Variants in KLF12 observed in about 807,000 individuals in gnomAD.
KLF12 encodes Krueppel-like factor 12.
In KLF12, 9 loss-of-function variants were observed where a neutral mutation model predicts 37.8. The ratio of observed to expected loss-of-function variants is 0.24; its 90% confidence interval spans 0.14 to 0.42. KLF12 has a LOEUF of 0.42. Ranked by LOEUF, KLF12 falls within the 10% of genes least tolerant of loss-of-function variation. The pLI is 1.00. For missense variants in KLF12, 411 were observed against 516.0 expected, an observed-to-expected ratio of 0.80 and a Z score of 1.97; for synonymous variants, 208 against 202.1, an observed-to-expected ratio of 1.03 and a Z score of -0.25.
At position 73,746,810 on chromosome 13, in the gene KLF12, CT is replaced by C. The variant is rs776746904; in HGVS notation, c.869+18127del. 2.5e-3 allele frequency among the ~76,000 whole-genome samples: 300 copies of C among 119,818 alleles called. 1 individual carries two copies. The highest frequency in any genetic ancestry group is 0.015 in the Middle Eastern group (3 of 194). The allele number at this position is 119,818 out of a possible 152,430, so 78.6% of individuals were successfully genotyped here. A position where few individuals can be genotyped will look rare whatever the true frequency, so the allele number is the denominator to read the frequency against. ...TTAAAGCCATGCCCCTCCCTCCCTC[CT>C]TTTTTTTTTTTTTTTTTTTGAGATG... On this transcript the variant is annotated intron_variant, in intron 6 of 7. Transcript: ENST00000377669.
chr13:74,142,667 A>T, the KLF12 span, among the ~76,000 whole-genome samples: 1 of 152,202 alleles, frequency 6.6e-6, no homozygotes, highest in Non-Finnish European at 1.5e-5. Flanking sequence ...TTTCGGTGAA[A>T]GAATGAAAGT....
intron 1 of KLF12, among the ~76,000 whole-genome samples, chr13:74,110,949 A>G (rs149264544): frequency 0.025 from 3,817 of 152,114 alleles, 126 homozygotes; most frequent in Admixed American, 0.092. Flanking sequence ...GGTCAGGAGT[A>G]CGAGACCAGC....
chr13:74,255,206 C>T, the KLF12 span, among the ~76,000 whole-genome samples: 61 of 152,240 alleles, frequency 4.0e-4, no homozygotes, highest in African/African-American at 1.3e-3. Context: ...TAATGGTTAG[C>T]ATGGTAACTT....
intron 7 of KLF12, among the ~76,000 whole-genome samples, chr13:73,702,322 G>A (rs1874619307): frequency 6.6e-6 from 1 of 152,042 alleles, no homozygotes; most frequent in Non-Finnish European, 1.5e-5. Context: ...CCCAGCAGAA[G>A]GCAGAATAAA....
At chr13:74,080,352 G>A (rs1264806426) in intron 1 of KLF12, among the ~76,000 whole-genome samples, 1 of 152,146 alleles carries the variant, frequency 6.6e-6, no homozygotes, top group Non-Finnish European at 1.5e-5. Flanking sequence ...GGAGGCTGAG[G>A]TGGGAGGATC....
At chr13:73,923,620 C>T (rs1447287075) in intron 3 of KLF12, among the ~76,000 whole-genome samples, 2 of 152,128 alleles carry the variant, frequency 1.3e-5, no homozygotes, top group Non-Finnish European at 2.9e-5. Flanking sequence ...TAGAAAGCAG[C>T]ACCTTAGAAA....
chr13:74,258,928 T>C, the KLF12 span: 1 of 152,384 alleles, frequency 6.6e-6, no homozygotes, highest in East Asian at 1.9e-4. Flanking sequence ...AAGGTCCCGG[T>C]GCTCTCTCCT....
intron 3 of KLF12, among the ~76,000 whole-genome samples, chr13:73,849,309 G>A (rs1448705756): frequency 6.7e-6 from 1 of 150,272 alleles, no homozygotes; most frequent in African/African-American, 2.5e-5. Context: ...AACCCAGGAG[G>A]TGGAGGCTGC....
At chr13:73,801,087 A>G (rs1320480636) in intron 5 of KLF12, 1 of 152,140 alleles carries the variant, frequency 6.6e-6, no homozygotes, top group Admixed American at 6.5e-5. Flanking sequence ...CAATGAGATA[A>G]GATTCACTCT....
At chr13:73,797,567 C>T (rs926698715) in intron 5 of KLF12, among the ~76,000 whole-genome samples, 3 of 151,972 alleles carry the variant, frequency 2.0e-5, no homozygotes, top group South Asian at 4.2e-4. Flanking sequence ...GCCACGATTT[C>T]GAGACCAGCC....
intron 3 of KLF12, among the ~76,000 whole-genome samples, chr13:73,859,511 G>A (rs1333510210): frequency 6.6e-6 from 1 of 152,164 alleles, no homozygotes; most frequent in Non-Finnish European, 1.5e-5. Flanking sequence ...TTAGTACGTG[G>A]AAATACCAAC....
At chr13:73,783,074 G>T (rs1594086045) in intron 5 of KLF12, among the ~76,000 whole-genome samples, 1 of 152,254 alleles carries the variant, frequency 6.6e-6, no homozygotes, top group East Asian at 1.9e-4. Flanking sequence ...ACAAATCATG[G>T]ATGGATTACA....
intron 3 of KLF12, among the ~76,000 whole-genome samples, chr13:73,872,064 T>C (rs1886496697): frequency 6.6e-6 from 1 of 152,210 alleles, no homozygotes; most frequent in Non-Finnish European, 1.5e-5. Flanking sequence ...ATTCTCCTTG[T>C]AAGCTATTTC....
intron 5 of KLF12, among the ~76,000 whole-genome samples, chr13:73,798,682 C>G (rs972814483): frequency 2.6e-5 from 4 of 152,102 alleles, no homozygotes; most frequent in Admixed American, 6.5e-5. Context: ...TATCACTGAT[C>G]ATTAGAGAAA....
intron 7 of KLF12, among the ~76,000 whole-genome samples, chr13:73,704,045 G>A (rs553013869): frequency 7.9e-5 from 12 of 152,268 alleles, no homozygotes; most frequent in South Asian, 2.1e-4. Context: ...TCATTTCTAC[G>A]TAGTGACCTT....
At chr13:74,259,189 C>A in the KLF12 span, 2 of 152,170 alleles carry the variant, frequency 1.3e-5, no homozygotes, top group Non-Finnish European at 2.9e-5. Flanking sequence ...GAATGGGATG[C>A]CAAGGGGATT....
intron 1 of KLF12, among the ~76,000 whole-genome samples, chr13:74,029,474 T>C (rs1893061596): frequency 6.6e-6 from 1 of 152,158 alleles, no homozygotes; most frequent in South Asian, 2.1e-4. Flanking sequence ...GTCATATTTC[T>C]ATTTAAGTCA....
At chr13:74,032,697 G>T (rs1893146254) in intron 1 of KLF12, among the ~76,000 whole-genome samples, 1 of 151,990 alleles carries the variant, frequency 6.6e-6, no homozygotes, top group Admixed American at 6.6e-5. Flanking sequence ...TTTACCACCT[G>T]ATCATATAAC....
rs577933543 is a variant in KLF12, at chr13:73,757,797, A to G, written c.869+7141T>C. On this transcript the variant is annotated intron_variant, in intron 6 of 7. Transcript: ENST00000377669. Reference sequence around the variant, plus strand: ...AAGACAGCCATGGATTATAATTGATAGCCAATTTTTTCAGCCCAAATATAT... The same window carrying G: ...AAGACAGCCATGGATTATAATTGATGGCCAATTTTTTCAGCCCAAATATAT... Among the ~76,000 whole-genome samples the G allele has an allele frequency of 3.1e-4, 47 of 152,318 alleles. No individual in the cohort carries two copies. In the South Asian group the frequency reaches 9.3e-3, roughly 30 times the overall value.
Sources: allele counts gnomAD v4.1 joint callset (sites outside exome capture counted in the v4.1 genomes callset), GRCh38; gene constraint gnomAD v4.1.1; transcripts MANE v1.5; gene names NCBI Gene and HGNC (gene_info 2026-07-23, HGNC 2026-07-21).